The following VPS13D variants were observed in gnomAD, a reference collection of about 807,000 sequenced individuals.
VPS13D encodes the protein vacuolar protein sorting 13 homolog D.
Under a neutral mutation model 461.9 loss-of-function variants are expected in VPS13D, and 187 were observed. The observed-to-expected ratio is 0.40, with a 90% CI of 0.36 to 0.46. VPS13D has a LOEUF of 0.46. Among genes scored for constraint, VPS13D ranks in the 20% least tolerant of loss-of-function variants. The pLI is 0.60. For missense variants in VPS13D, 4,711 were observed against 5,364.9 expected (o/e 0.88, Z 3.81); for synonymous variants, 1,951 against 1,986.3 (o/e 0.98, Z 0.47).
At chr1:12,355,215 A>G (rs866486119) in intron 47 of VPS13D, among the ~76,000 whole-genome samples, 1 of 152,222 alleles carries the variant, frequency 6.6e-6, no homozygotes, top group Admixed American at 6.5e-5. Flanking sequence ...CAGGTCTTCA[A>G]TCTTGTCTAC....
chr1:12,379,278 C>A (rs140976220), intron 56 of VPS13D, among the ~76,000 whole-genome samples: 1 of 152,094 alleles, frequency 6.6e-6, no homozygotes, highest in African/African-American at 2.4e-5. Flanking sequence ...TACTTTGTGT[C>A]CCCTCTTCAT....
rs768739975 is a variant in VPS13D, at chr1:12,349,710, T to C, written c.9431+336T>C. Among the ~76,000 whole-genome samples, 89 of 152,290 alleles carry C rather than the reference T, an allele frequency of 5.8e-4. 1 individual carries two copies. The highest frequency in any genetic ancestry group is 1.1e-3 in the Non-Finnish European group (72 of 68,004). ...AAAATAACGAGTTCTCATTCCAAAA[T>C]TGGAAAGCAAAATCCTGGGGTTTGG... On this transcript the variant is annotated intron_variant, in intron 46 of 69. Transcript: ENST00000620676.
intron 65 of VPS13D, among the ~76,000 whole-genome samples, chr1:12,453,529 C>T (rs765590744): frequency 2.0e-5 from 3 of 152,114 alleles, no homozygotes; most frequent in African/African-American, 4.8e-5. Context: ...GTTCTCACAG[C>T]GTCTGGGGCA....
Position 12,244,276 on chromosome 1 carries a change from C to G in VPS13D, c.206C>G (p.Pro69Arg). 6.2e-7 allele frequency: 1 copy of G among 1,613,598 alleles called. No individual in the cohort carries two copies. The highest frequency in any genetic ancestry group is 1.1e-5 in the South Asian group (1 of 90,942). The change falls in exon 4 of 70, where the codon CCC becomes CGC. Residue 69 changes from proline (P) to arginine (R), a missense_variant. This residue lies in a region of VPS13D where 4,411 missense variants were observed against 4,937.8 expected (regional missense o/e 0.89). Transcript: ENST00000620676. ...GFIGKVTLQI[P>R]FYRPHVDPWV... ...ATTGGGAAAGTAACCCTTCAGATTC[C>G]CTTTTATCGCCCCCATGTGGACCCT...
At chr1:12,500,198 A>G (rs1359652205) in intron 68 of VPS13D, 1 of 984,414 alleles carries the variant, frequency 1.0e-6, no homozygotes, top group African/African-American at 1.7e-5. Context: ...ATTAATTAAT[A>G]TTAAAAAGAT....
At chr1:12,235,223 G>A (rs1200315615) in intron 2 of VPS13D, among the ~76,000 whole-genome samples, 1 of 152,190 alleles carries the variant, frequency 6.6e-6, no homozygotes, top group African/African-American at 2.4e-5. Flanking sequence ...AGAGAGAACA[G>A]TGACACAGCT....
intron 26 of VPS13D, among the ~76,000 whole-genome samples, chr1:12,307,957 T>G (rs964946747): frequency 6.6e-6 from 1 of 152,160 alleles, no homozygotes; most frequent in Non-Finnish European, 1.5e-5. Context: ...TTCTTTTTGG[T>G]CTAGGCAAGA....
At chr1:12,242,080 AAAG>A (rs1471723873) in intron 2 of VPS13D, among the ~76,000 whole-genome samples, 1 of 152,218 alleles carries the variant, frequency 6.6e-6, no homozygotes, top group Non-Finnish European at 1.5e-5. Context: ...ATAAAAAAAA[AAAG>A]GAGAATACGC....
At chr1:12,488,544 C>T (rs1473799868) in intron 67 of VPS13D, among the ~76,000 whole-genome samples, 2 of 150,828 alleles carry the variant, frequency 1.3e-5, no homozygotes, top group African/African-American at 2.5e-5. Flanking sequence ...AATATATAAA[C>T]ATTGAAAGAA....
rs1366013226 is a variant in VPS13D, at chr1:12,379,613, C to T, written c.11190+17C>T. 1 of 1,590,786 alleles carries T rather than the reference C, an allele frequency of 6.3e-7. No individual in the cohort carries two copies. Among genetic ancestry groups the T allele is most frequent in the Non-Finnish European group, 8.6e-7 (1 of 1,161,194 alleles). Reference sequence around the variant, plus strand: ...GTCGTCCAGGTCAGTCGTTTTTGATCCCCAATTGCAGCAAGCAGTGGTTGA... The same window carrying T: ...GTCGTCCAGGTCAGTCGTTTTTGATTCCCAATTGCAGCAAGCAGTGGTTGA... On this transcript the variant is annotated intron_variant, in intron 57 of 69. Coordinates refer to ENST00000620676, the MANE Select transcript of VPS13D (RefSeq NM_015378.4).
At chr1:12,316,742 G>A (rs1354261701) in intron 30 of VPS13D, among the ~76,000 whole-genome samples, 1 of 152,208 alleles carries the variant, frequency 6.6e-6, no homozygotes, top group Non-Finnish European at 1.5e-5. Context: ...CCAGGTACAT[G>A]TAGTAGCTAC....
At chr1:12,409,881 A>G (rs1403000989) in intron 63 of VPS13D, 2 of 456,158 alleles carry the variant, frequency 4.4e-6, no homozygotes, top group Non-Finnish European at 8.8e-6. Flanking sequence ...ATGAGAGGAG[A>G]GAAACTCAGT....
Position 12,490,194 on chromosome 1 carries a change from G to A in VPS13D, c.12663-7306G>A, listed in dbSNP as rs145179030. ...CAAACCATTTGCAGGGCTCTAAGTA[G>A]GCTCGTTTTTCTGGCTACCCTAGTT... On this transcript the variant is annotated intron_variant, in intron 67 of 69. Coordinates refer to ENST00000620676, the MANE Select transcript of VPS13D (RefSeq NM_015378.4). Among the ~76,000 whole-genome samples the A allele has an allele frequency of 2.3e-3, 344 of 152,306 alleles. 2 individuals carry two copies. Among genetic ancestry groups the A allele is most frequent in the African/African-American group, 8.0e-3 (333 of 41,564 alleles).
intron 25 of VPS13D, among the ~76,000 whole-genome samples, chr1:12,300,925 C>T (rs1642407464): frequency 6.6e-6 from 1 of 152,180 alleles, no homozygotes; most frequent in Non-Finnish European, 1.5e-5. Context: ...TTATTCCTTG[C>T]AAACTCGTTT....
chr1:12,411,215 A>G (rs966064585), intron 63 of VPS13D, among the ~76,000 whole-genome samples: 1 of 152,234 alleles, frequency 6.6e-6, no homozygotes, highest in Non-Finnish European at 1.5e-5. Flanking sequence ...AGAAAATCTA[A>G]AAGTATTTTC....
At chr1:12,244,706 G>A (rs968675283) in intron 5 of VPS13D, 89 bp downstream of exon 5, 46 of 1,279,702 alleles carry the variant, frequency 3.6e-5, no homozygotes, top group Non-Finnish European at 4.5e-5. Flanking sequence ...CTCATTTCTC[G>A]TGGGCTCAGC....
At position 12,350,147 on chromosome 1, in the gene VPS13D, AAATC is replaced by A. The variant is rs1643763012; in HGVS notation, c.9431+777_9431+780del. Among the ~76,000 whole-genome samples, 5 of 152,348 alleles carry A rather than the reference AAATC, an allele frequency of 3.3e-5. No homozygotes were observed. The South Asian group carries it at 1.0e-3, about 32-fold the overall frequency. On this transcript the variant is annotated intron_variant, in intron 46 of 69. Transcript: ENST00000620676. ...TATTTCAGTAATTTATAGAACAAAG[AAATC>A]AATAAATATGTAAAAGATTTGAACA...
chr1:12,273,326 A>G (rs564740569), intron 18 of VPS13D, among the ~76,000 whole-genome samples, 191 bp downstream of exon 18: 2 of 152,386 alleles, frequency 1.3e-5, no homozygotes, highest in African/African-American at 4.8e-5. Context: ...CGACCTGTCT[A>G]TGATTATCTA....
At chr1:12,443,754 T>C (rs1645157380) in intron 65 of VPS13D, among the ~76,000 whole-genome samples, 1 of 152,208 alleles carries the variant, frequency 6.6e-6, no homozygotes, top group Admixed American at 6.5e-5. Flanking sequence ...ATTCTTTTCT[T>C]TGCCTATCCA....
Sources: gnomAD v4.1 joint callset for allele counts (sites outside exome capture counted in the v4.1 genomes callset) on GRCh38, gnomAD v4.1.1 for gene constraint, gnomAD v4.1.1 regional missense constraint, MANE v1.5 for transcripts, NCBI Gene and HGNC (gene_info 2026-07-23, HGNC 2026-07-21) for gene names.